The following DENND1B variants were observed in gnomAD, a reference collection of about 807,000 sequenced individuals.
DENND1B encodes DENN domain containing 1B.
A neutral mutation model predicts 90.1 loss-of-function variants in DENND1B; 59 were observed. The ratio of observed to expected loss-of-function variants is 0.65; its 90% CI spans 0.53 to 0.81. DENND1B has a LOEUF of 0.81. Among genes scored for constraint, DENND1B ranks in the 40% least tolerant of loss-of-function variants. The pLI is 0.00. For synonymous variants in DENND1B, 337 were observed against 324.6 expected (o/e 1.04, Z -0.41); for missense variants, 862 against 912.6 (o/e 0.94, Z 0.71).
chr1:197,600,105 C>T (rs769624228), intron 13 of DENND1B, among the ~76,000 whole-genome samples: 5 of 151,788 alleles, frequency 3.3e-5, no homozygotes, highest in Admixed American at 2.0e-4. Context: ...ATCATTGAGG[C>T]CAATTCTGCA....
At chr1:197,650,072 T>C (rs1652948058) in intron 7 of DENND1B, among the ~76,000 whole-genome samples, 1 of 151,950 alleles carries the variant, frequency 6.6e-6, no homozygotes, top group Admixed American at 6.6e-5. Context: ...CAAAAGAATA[T>C]ATTCAAATGG....
intron 16 of DENND1B, among the ~76,000 whole-genome samples, chr1:197,551,003 C>T (rs895974594): frequency 3.3e-5 from 5 of 150,602 alleles, no homozygotes; most frequent in Non-Finnish European, 5.9e-5. Flanking sequence ...TTCATGACAT[C>T]GATATATTCT....
At chr1:197,573,685 T>C (rs1002501674) in intron 15 of DENND1B, among the ~76,000 whole-genome samples, 23 of 152,162 alleles carry the variant, frequency 1.5e-4, no homozygotes, top group African/African-American at 5.6e-4. Flanking sequence ...TGACAAACAT[T>C]GATGCGAAAA....
At chr1:197,625,311 A>G (rs1459089559) in intron 10 of DENND1B, among the ~76,000 whole-genome samples, 1 of 152,144 alleles carries the variant, frequency 6.6e-6, no homozygotes, top group Non-Finnish European at 1.5e-5. Context: ...CTAACAGCAG[A>G]TCTCTCAGCA....
At chr1:197,568,528 C>T (rs1160807863) in intron 15 of DENND1B, among the ~76,000 whole-genome samples, 1 of 152,024 alleles carries the variant, frequency 6.6e-6, no homozygotes, top group African/African-American at 2.4e-5. Flanking sequence ...CCACAAAAGA[C>T]CTCAAATAGA....
At position 197,692,130 on chromosome 1, in the gene DENND1B, T is replaced by TA. The variant is rs75412045; in HGVS notation, c.127-17962dup. 5.5e-3 allele frequency among the ~76,000 whole-genome samples: 767 copies of TA among 140,122 alleles called. 5 individuals are homozygous for TA. Among genetic ancestry groups the TA allele is most frequent in the African/African-American group, 0.015 (584 of 38,662 alleles). The allele number at this position is 140,122 out of a possible 152,430, so 91.9% of individuals were successfully genotyped here. Reference sequence around the variant, plus strand: ...ATCTCATGTATCTGTGCCTCCACAATAAAAAAAAAAAAATCTCAAATCCAT... The same window carrying TA: ...ATCTCATGTATCTGTGCCTCCACAATAAAAAAAAAAAAAATCTCAAATCCAT... On this transcript the variant is annotated intron_variant, in intron 3 of 22. Transcript: ENST00000620048.
At chr1:197,624,758 A>G (rs1040309453) in intron 10 of DENND1B, among the ~76,000 whole-genome samples, 1 of 151,870 alleles carries the variant, frequency 6.6e-6, no homozygotes, top group Non-Finnish European at 1.5e-5. Flanking sequence ...CAAAGAAGTT[A>G]AAAACTTTGA....
At chr1:197,754,622 C>A (rs952866293) in intron 2 of DENND1B, among the ~76,000 whole-genome samples, 1 of 135,122 alleles carries the variant, frequency 7.4e-6, no homozygotes, top group Non-Finnish European at 1.5e-5. Context: ...CGTGCTACGC[C>A]GCACTCTAGC....
At chr1:197,558,435 T>C (rs187524235) in intron 15 of DENND1B, among the ~76,000 whole-genome samples, 13 of 151,980 alleles carry the variant, frequency 8.6e-5, no homozygotes, top group Admixed American at 6.6e-4. Flanking sequence ...TTAATCTTTA[T>C]GACATGATCT....
intron 3 of DENND1B, among the ~76,000 whole-genome samples, chr1:197,703,266 G>T (rs944172553): frequency 1.3e-5 from 2 of 150,722 alleles, no homozygotes; most frequent in African/African-American, 2.4e-5. Flanking sequence ...GATTATACAC[G>T]TGAGCCACAG....
In DENND1B at chr1:197,510,224, A is replaced by T. The variant is rs571421121; in HGVS notation, c.*236T>A. 1.2e-5 allele frequency: 6 copies of T among 513,356 alleles called. No homozygotes were observed. Among genetic ancestry groups the T allele is most frequent in the Non-Finnish European group, 2.0e-5 (6 of 294,960 alleles). 31.8% of individuals were successfully genotyped at this position (513,356 alleles called of 1,614,324 possible). A position where few individuals can be genotyped will look rare whatever the true frequency, so the allele number is the denominator to read the frequency against. ...CAAACACTGGGAAATCTCATGGTCA[A>T]TACATACTTTAAACATACATACACA... On this transcript the variant is annotated 3_prime_UTR_variant, in exon 23 of 23. Coordinates refer to ENST00000620048, the MANE Select transcript of DENND1B (RefSeq NM_001195215.2).
intron 2 of DENND1B, chr1:197,747,419 AT>A: frequency 6.9e-6 from 3 of 435,174 alleles, no homozygotes; most frequent in Non-Finnish European, 8.7e-6. Context: ...CATCACTTTC[AT>A]TTAGGCCAGG....
intron 2 of DENND1B, among the ~76,000 whole-genome samples, chr1:197,770,876 A>C (rs867922281): frequency 2.8e-5 from 4 of 141,336 alleles, no homozygotes; most frequent in African/African-American, 5.2e-5. Context: ...ATATCTATAA[A>C]TATATGTATC....
In DENND1B at chr1:197,511,773, G is replaced by C; in HGVS notation, c.1770C>G (p.Ser590Arg). 1 of 1,610,594 alleles carries C rather than the reference G, an allele frequency of 6.2e-7. No homozygotes were observed. Among genetic ancestry groups the C allele is most frequent in the South Asian group, 1.1e-5 (1 of 90,786 alleles). ...SDQGKLAAAK[S>R]LDFFRSMDDI... is the part of the protein sequence containing the mutation. ...CATCCATTGATCTAAAGAAATCCAA[G>C]CTCTTTGCAGCTGCCAGCTTCCCCT... The change falls in exon 22 of 23, where the codon AGC (serine) becomes AGG (arginine). Residue 590 changes from serine (S) to arginine (R), a missense_variant. By Grantham distance (110) the Ser-to-Arg change is moderately radical. Transcript: ENST00000620048.
At chr1:197,580,895 T>C (rs1233722481) in intron 15 of DENND1B, among the ~76,000 whole-genome samples, 1 of 152,184 alleles carries the variant, frequency 6.6e-6, no homozygotes, top group Non-Finnish European at 1.5e-5. Flanking sequence ...TCTTTAAATA[T>C]TACGTTTTAA....
chr1:197,692,800 T>A (rs1470018365), intron 3 of DENND1B, among the ~76,000 whole-genome samples: 1 of 151,720 alleles, frequency 6.6e-6, no homozygotes, highest in African/African-American at 2.4e-5. Context: ...AAGACATAGG[T>A]TGGGGCCTAT....
intron 2 of DENND1B, 131 bp downstream of exon 2, chr1:197,772,737 A>C: frequency 2.8e-6 from 2 of 704,230 alleles, no homozygotes; most frequent in South Asian, 3.9e-5. Context: ...AGGTGGGAGG[A>C]TCACCTGAAC....
intron 15 of DENND1B, among the ~76,000 whole-genome samples, chr1:197,558,833 G>A (rs1301796771): frequency 6.6e-6 from 1 of 151,752 alleles, no homozygotes; most frequent in Non-Finnish European, 1.5e-5. Flanking sequence ...ATTATCTGTT[G>A]CTTTAAATAT....
At chr1:197,614,788 G>A (rs114468168) in intron 11 of DENND1B, among the ~76,000 whole-genome samples, 500 of 150,940 alleles carry the variant, frequency 3.3e-3, no homozygotes, top group African/African-American at 8.1e-3. Flanking sequence ...AGCTAAATCT[G>A]CTCCTTTCAT....
Sources: gnomAD v4.1 joint callset for allele counts (sites outside exome capture counted in the v4.1 genomes callset) on GRCh38, gnomAD v4.1.1 for gene constraint, MANE v1.5 for transcripts, NCBI Gene and HGNC (gene_info 2026-07-23, HGNC 2026-07-21) for gene names.